NLK: variants seen among roughly 807,000 people sequenced by gnomAD.
NLK encodes the protein serine/threonine-protein kinase NLK.
NLK carries 11 observed loss-of-function variants against 59.0 expected under a neutral mutation model. That is an observed-to-expected ratio of 0.19 (90% CI 0.12 to 0.31). The LOEUF (loss-of-function observed/expected upper bound fraction) is 0.31. NLK is among the 10% of genes least tolerant of loss of function. The pLI is 1.00. For synonymous variants in NLK, 235 were observed against 235.9 expected (o/e 1.00, Z 0.03); for missense variants, 410 against 661.1 (o/e 0.62, Z 4.16).
Position 28,143,824 on chromosome 17 carries a change from A to G in NLK, c.644+11149A>G, listed in dbSNP as rs115304626. Among the ~76,000 whole-genome samples, 406 of 152,336 alleles carry G rather than the reference A, an allele frequency of 2.7e-3. 3 individuals are homozygous for G. The highest frequency in any genetic ancestry group is 9.3e-3 in the African/African-American group (387 of 41,584). The stretch of plus-strand genomic sequence containing the variant: ...GTTTTTTACATAAGACAGTATCACA[A>G]CTTTTCACACATACGCACAACTTGA... On this transcript the variant is annotated intron_variant, in intron 3 of 10. Coordinates refer to ENST00000407008, the MANE Select transcript of NLK (RefSeq NM_016231.5).
chr17:28,164,628 C>G (rs896699849), intron 5 of NLK, among the ~76,000 whole-genome samples: 3 of 152,134 alleles, frequency 2.0e-5, no homozygotes, highest in Non-Finnish European at 2.9e-5. Context: ...TTCCCTACCT[C>G]TAATACAGAT....
downstream of NLK, among the ~76,000 whole-genome samples, chr17:28,197,485 CAG>C (rs1014802979): frequency 5.5e-5 from 8 of 144,824 alleles, no homozygotes; most frequent in Non-Finnish European, 1.1e-4. Flanking sequence ...AAAAAAAAAA[CAG>C]AAACTAAATT....
rs534914237 is a variant in NLK, at chr17:28,062,854, T to A, written c.458+19523T>A. On this transcript the variant is annotated intron_variant, in intron 1 of 10. Coordinates refer to ENST00000407008, the MANE Select transcript of NLK (RefSeq NM_016231.5). ...CCTCAGCCTCCCAAAGTGTTGCGAT[T>A]ACAGGCGTGAGCCACTGCACCCTGC... Among the ~76,000 whole-genome samples the A allele has an allele frequency of 1.1e-4, 17 of 152,356 alleles. No homozygotes were observed. In the South Asian group the frequency reaches 3.5e-3, roughly 32 times the overall value.
intron 1 of NLK, among the ~76,000 whole-genome samples, chr17:28,063,109 T>G (rs2142748973): frequency 6.6e-6 from 1 of 152,098 alleles, no homozygotes; most frequent in Non-Finnish European, 1.5e-5. Context: ...TTTTTTTGTA[T>G]TTTGTAGAGA....
chr17:28,166,445 T>TA (rs1908240058), intron 5 of NLK, among the ~76,000 whole-genome samples: 1 of 152,210 alleles, frequency 6.6e-6, no homozygotes, highest in Non-Finnish European at 1.5e-5. Context: ...GGGGGATAAA[T>TA]TTTGTTTTCT....
Position 28,095,966 on chromosome 17 carries a change from A to C in NLK, c.459-26637A>C, listed in dbSNP as rs897166763. ...TTAAAATCATAAAACCAGAATGGAG[A>C]ATTTATTCCAAAAGTTCCCATGCAT... On this transcript the variant is annotated intron_variant, in intron 1 of 10. Coordinates refer to ENST00000407008, the MANE Select transcript of NLK (RefSeq NM_016231.5). Among the ~76,000 whole-genome samples the C allele has an allele frequency of 1.1e-4, 17 of 152,210 alleles. No individual in the cohort carries two copies. The East Asian group carries it at 3.3e-3, about 29-fold the overall frequency.
At chr17:28,205,765 A>T in the NLK span, among the ~76,000 whole-genome samples, 5 of 152,106 alleles carry the variant, frequency 3.3e-5, no homozygotes, top group African/African-American at 4.8e-5. Context: ...TATAAATGAG[A>T]TCATGCAGTG....
intron 1 of NLK, among the ~76,000 whole-genome samples, chr17:28,099,379 G>T (rs930871588): frequency 1.3e-5 from 2 of 151,988 alleles, no homozygotes; most frequent in African/African-American, 4.8e-5. Flanking sequence ...CAATCAGAAC[G>T]TTGAACAGGT....
intron 5 of NLK, among the ~76,000 whole-genome samples, chr17:28,164,310 C>A (rs1908130585): frequency 6.8e-6 from 1 of 147,576 alleles, no homozygotes; most frequent in Non-Finnish European, 1.5e-5. Flanking sequence ...GTGAAGGCTG[C>A]AGTGAGCTGT....
intron 1 of NLK, among the ~76,000 whole-genome samples, chr17:28,101,903 A>G (rs1008094320): frequency 6.6e-5 from 10 of 152,088 alleles, no homozygotes; most frequent in African/African-American, 2.4e-4. Context: ...TCTTGTATAA[A>G]TTTTATCTTG....
chr17:28,102,935 GA>G, intron 1 of NLK, among the ~76,000 whole-genome samples: 1 of 152,254 alleles, frequency 6.6e-6, no homozygotes, highest in African/African-American at 2.4e-5. Context: ...AAGGTATATG[GA>G]AAGAGTAAAT....
At chr17:28,061,368 T>C (rs1396900683) in intron 1 of NLK, among the ~76,000 whole-genome samples, 1 of 152,214 alleles carries the variant, frequency 6.6e-6, no homozygotes, top group Admixed American at 6.5e-5. Flanking sequence ...GCCTTAGTTA[T>C]GTATGATTCA....
intron 3 of NLK, among the ~76,000 whole-genome samples, chr17:28,155,151 G>A (rs1907650332): frequency 1.3e-5 from 2 of 152,160 alleles, no homozygotes; most frequent in Admixed American, 6.5e-5. Context: ...TTAAAATTCT[G>A]CATTATTAAA....
At chr17:28,166,019 A>C (rs1338897265) in intron 5 of NLK, among the ~76,000 whole-genome samples, 2 of 152,208 alleles carry the variant, frequency 1.3e-5, no homozygotes, top group African/African-American at 2.4e-5. Context: ...ACTTGAGACC[A>C]GCCTGGCCAA....
At chr17:28,083,458 A>G (rs564896894) in intron 1 of NLK, among the ~76,000 whole-genome samples, 19 of 152,312 alleles carry the variant, frequency 1.2e-4, no homozygotes, top group Admixed American at 4.6e-4. Context: ...ACTAGATTAC[A>G]TAGATTTAAA....
At chr17:28,127,586 C>T (rs1906342895) in intron 2 of NLK, among the ~76,000 whole-genome samples, 1 of 152,162 alleles carries the variant, frequency 6.6e-6, no homozygotes, top group East Asian at 1.9e-4. Flanking sequence ...ATTACTGTCA[C>T]ATTTAAAATA....
chr17:28,044,211 T>G (rs1908972811), intron 1 of NLK, among the ~76,000 whole-genome samples: 2 of 152,254 alleles, frequency 1.3e-5, no homozygotes, highest in South Asian at 4.1e-4. Context: ...AATATGTTTG[T>G]TCCTATCAAA....
At chr17:28,072,866 A>G (rs1910051330) in intron 1 of NLK, among the ~76,000 whole-genome samples, 1 of 151,968 alleles carries the variant, frequency 6.6e-6, no homozygotes, top group African/African-American at 2.4e-5. Context: ...AAAATATTTT[A>G]TGTTTGCATC....
At chr17:28,053,472 A>G (rs971528555) in intron 1 of NLK, among the ~76,000 whole-genome samples, 18 of 152,154 alleles carry the variant, frequency 1.2e-4, no homozygotes, top group African/African-American at 4.3e-4. Flanking sequence ...GTTAGAGCAG[A>G]TATCTCCTAT....
Sources: allele counts gnomAD v4.1 joint callset (sites outside exome capture counted in the v4.1 genomes callset), GRCh38; gene constraint gnomAD v4.1.1; transcripts MANE v1.5; gene names NCBI Gene and HGNC (gene_info 2026-07-23, HGNC 2026-07-21).